The following PCDHA5 variants were observed in gnomAD, a reference collection of about 807,000 sequenced individuals.
PCDHA5 encodes the protein protocadherin alpha-5.
In PCDHA5, 43 loss-of-function variants were observed where a neutral mutation model predicts 61.6. The observed-to-expected ratio is 0.70, with a 90% CI of 0.55 to 0.90. The LOEUF (loss-of-function observed/expected upper bound fraction) is 0.90. Among genes scored for constraint, PCDHA5 ranks in the 40% least tolerant of loss-of-function variants. The probability of loss-of-function intolerance (pLI) is 0.00; values close to 1 mark genes in which losing one functional copy is unlikely to be tolerated. For missense variants in PCDHA5, 1,298 were observed against 1,222.7 expected, an observed-to-expected ratio of 1.06 and a Z score of -0.92; for synonymous variants, 627 against 543.9, an observed-to-expected ratio of 1.15 and a Z score of -2.13.
chr5:140,941,748 T>G (rs2093156951), intron 1 of PCDHA5, among the ~76,000 whole-genome samples: 1 of 152,210 alleles, frequency 6.6e-6, no homozygotes, highest in South Asian at 2.1e-4. Flanking sequence ...CTTATCAGAT[T>G]TTCAGTGCTT....
At chr5:140,836,381 G>A in intron 1 of PCDHA5, 2 of 1,613,746 alleles carry the variant, frequency 1.2e-6, no homozygotes, top group Non-Finnish European at 1.7e-6. Context: ...CCACCGTGCT[G>A]GTGTCGCTGG....
rs1554262420 is a variant in PCDHA5, at chr5:141,009,791, C to G, written c.2665C>G (p.Pro889Ala). ...TGCAATCATCTCCATCCGGCAGGAG[C>G]CTACTAACAGCCAAATTGACAAAAG... ...SPAIISIRQE[P>A]TNSQIDKSDF... The change falls in exon 4 of 4, where the codon CCT becomes GCT. Residue 889 changes from proline (P) to alanine (A), a missense_variant. Pro to Ala is a conservative substitution (Grantham distance 27). Transcript: ENST00000529859. 1 of 1,614,084 alleles carries G rather than the reference C, an allele frequency of 6.2e-7. No individual in the cohort carries two copies. Among genetic ancestry groups the G allele is most frequent in the Admixed American group, 1.7e-5 (1 of 60,016 alleles).
At chr5:140,839,890 G>A (rs1168165739) in intron 1 of PCDHA5, among the ~76,000 whole-genome samples, 3 of 151,956 alleles carry the variant, frequency 2.0e-5, no homozygotes, top group African/African-American at 7.3e-5. Flanking sequence ...AATTTTGACA[G>A]AAAAAGATGA....
chr5:140,993,282 C>G lies in PCDHA5; in HGVS notation c.2500+10719C>G, dbSNP rs183298575. On this transcript the variant is annotated intron_variant, in intron 3 of 3. Transcript: ENST00000529859. Reference sequence around the variant, plus strand: ...ATTAGCTTCTTTGGTCTTTTCTTGCCCAGGGTCACAACCTTGCCTCCAGGA... The same window carrying G: ...ATTAGCTTCTTTGGTCTTTTCTTGCGCAGGGTCACAACCTTGCCTCCAGGA... Among the ~76,000 whole-genome samples, 618 of 151,922 alleles carry G rather than the reference C, an allele frequency of 4.1e-3. 6 individuals are homozygous for G. Among genetic ancestry groups the G allele is most frequent in the Non-Finnish European group, 5.9e-3 (399 of 67,976 alleles).
At chr5:140,966,972 T>G (rs1554229007) in intron 1 of PCDHA5, 1 of 1,602,828 alleles carries the variant, frequency 6.2e-7, no homozygotes, top group African/African-American at 1.3e-5. Flanking sequence ...GGGCTTGAGC[T>G]GCGGCGCTTG....
chr5:140,843,645 G>A, intron 1 of PCDHA5: 1 of 1,595,642 alleles, frequency 6.3e-7, no homozygotes. Context: ...TTCAGCCCCT[G>A]CCTTCCTCCT....
intron 1 of PCDHA5, chr5:140,884,756 T>A: frequency 7.0e-7 from 1 of 1,427,108 alleles, no homozygotes; most frequent in Admixed American, 3.0e-5. Flanking sequence ...TTTCAAATTA[T>A]TCTTTACTTT....
At position 141,010,020 on chromosome 5, in the gene PCDHA5, TTCCTA is replaced by T. The variant is rs1554262638; in HGVS notation, c.*86_*90del. 6.4e-7 allele frequency: 1 copy of T among 1,572,330 alleles called. No individual in the cohort carries two copies. Among genetic ancestry groups the T allele is most frequent in the Non-Finnish European group, 8.6e-7 (1 of 1,163,268 alleles). On this transcript the variant is annotated 3_prime_UTR_variant, in exon 4 of 4. Coordinates refer to ENST00000529859, the MANE Select transcript of PCDHA5 (RefSeq NM_018908.3). ...CCATGTAGCAATTCCCTGCTCCTTT[TTCCTA>T]TCTACATGAGCCCTCTTAGAGACCT...
intron 1 of PCDHA5, among the ~76,000 whole-genome samples, chr5:140,872,228 T>C (rs2053555588): frequency 6.6e-6 from 1 of 152,222 alleles, no homozygotes. Context: ...CAATCTTTAC[T>C]TTTGTCTTTA....
At chr5:140,881,579 C>A (rs1299755224) in intron 1 of PCDHA5, among the ~76,000 whole-genome samples, 1 of 152,168 alleles carries the variant, frequency 6.6e-6, no homozygotes, top group Non-Finnish European at 1.5e-5. Context: ...TCTCAAGTCA[C>A]ATTGAGGGAA....
chr5:140,835,417 A>T (rs1554134958), intron 1 of PCDHA5: 19 of 1,613,960 alleles, frequency 1.2e-5, no homozygotes, highest in Non-Finnish European at 1.5e-5. Flanking sequence ...GATGTAAATG[A>T]CAATGCTCCA....
At chr5:140,902,473 T>A (rs2069483138) in intron 1 of PCDHA5, among the ~76,000 whole-genome samples, 1 of 152,208 alleles carries the variant, frequency 6.6e-6, no homozygotes, top group African/African-American at 2.4e-5. Context: ...CTTTGAGTTT[T>A]TGCCTGCTCA....
At chr5:140,993,793 T>C (rs2097582526) in intron 3 of PCDHA5, among the ~76,000 whole-genome samples, 1 of 152,184 alleles carries the variant, frequency 6.6e-6, no homozygotes, top group African/African-American at 2.4e-5. Context: ...TAACATGCTG[T>C]GCAGGTTTGT....
intron 1 of PCDHA5, among the ~76,000 whole-genome samples, chr5:140,833,122 G>T (rs1772311548): frequency 6.6e-6 from 1 of 152,190 alleles, no homozygotes; most frequent in Non-Finnish European, 1.5e-5. Context: ...AAAGTCATTT[G>T]AAAGCTGTCA....
At chr5:140,871,134 C>G in intron 1 of PCDHA5, 9 of 1,613,414 alleles carry the variant, frequency 5.6e-6, no homozygotes, top group Non-Finnish European at 6.8e-6. Flanking sequence ...CGCCAAAGGC[C>G]TCTTCCCGGA....
At chr5:140,940,776 T>A (rs2092683795) in intron 1 of PCDHA5, among the ~76,000 whole-genome samples, 1 of 152,222 alleles carries the variant, frequency 6.6e-6, no homozygotes, top group African/African-American at 2.4e-5. Flanking sequence ...CTTTTGATGG[T>A]CCATATCCTG....
At chr5:140,877,705 G>A (rs974017564) in intron 1 of PCDHA5, 1 of 1,614,016 alleles carries the variant, frequency 6.2e-7, no homozygotes, top group South Asian at 1.1e-5. Flanking sequence ...CTCCAGCGCC[G>A]TGGGGAGTTG....
At chr5:140,961,975 C>T (rs1241757389) in intron 1 of PCDHA5, among the ~76,000 whole-genome samples, 1 of 152,034 alleles carries the variant, frequency 6.6e-6, no homozygotes, top group Non-Finnish European at 1.5e-5. Flanking sequence ...CCTCCGCCTC[C>T]TGGGTTCACG....
chr5:140,833,536 G>C (rs188132068), intron 1 of PCDHA5, among the ~76,000 whole-genome samples: 1 of 152,138 alleles, frequency 6.6e-6, no homozygotes, highest in African/African-American at 2.4e-5. Flanking sequence ...ACAAGTGTTC[G>C]AAAGGATAGA....
Sources: gnomAD v4.1 joint callset for allele counts (sites outside exome capture counted in the v4.1 genomes callset) on GRCh38, gnomAD v4.1.1 for gene constraint, MANE v1.5 for transcripts, NCBI Gene and HGNC (gene_info 2026-07-23, HGNC 2026-07-21) for gene names.